Variants in RIMS2 observed in about 807,000 individuals in gnomAD.
RIMS2 encodes the protein regulating synaptic membrane exocytosis protein 2.
Under a neutral mutation model 174.4 loss-of-function variants are expected in RIMS2, and 59 were observed. The ratio of observed to expected loss-of-function variants is 0.34; its 90% confidence interval spans 0.27 to 0.42. The LOEUF (loss-of-function observed/expected upper bound fraction) is 0.42. RIMS2 is among the 10% of genes least tolerant of loss of function. RIMS2 has a pLI of 1.00. For synonymous variants in RIMS2, 606 were observed against 572.5 expected (o/e 1.06, Z -0.84); for missense variants, 1,620 against 1,666.3 (o/e 0.97, Z 0.48).
At chr8:103,663,125 C>T (rs2096624247) in intron 1 of RIMS2, among the ~76,000 whole-genome samples, 1 of 151,596 alleles carries the variant, frequency 6.6e-6, no homozygotes, top group South Asian at 2.1e-4. Context: ...GCTGAGATTA[C>T]ACCACTGCAC....
intron 3 of RIMS2, among the ~76,000 whole-genome samples, chr8:103,788,851 C>G (rs959487467): frequency 5.3e-5 from 8 of 152,186 alleles, no homozygotes; most frequent in South Asian, 4.1e-4. Context: ...TGGGCAATGG[C>G]GGGCGCCCCT....
rs374794052 is a variant in RIMS2, at chr8:103,886,091, C to A, written c.1492C>A (p.Pro498Thr). Residue 498 changes from proline to threonine, a missense_variant, in exon 4 of 24, where the codon CCT becomes ACT. Pro to Thr is a conservative substitution (Grantham distance 38). Around this residue, in one of 2 missense-constraint regions of RIMS2, gnomAD observed 1,395 missense variants for 1,360.1 expected, o/e 1.03. Coordinates refer to ENST00000504942, the Ensembl canonical transcript of RIMS2. ...GTCAGTGAGACCTCCACCACCAAAGCCTCATAAATCAAAGAAAGGCGGTAA... is the reference window on the plus strand; with the variant it reads ...GTCAGTGAGACCTCCACCACCAAAGACTCATAAATCAAAGAAAGGCGGTAA... The A allele has an allele frequency of 8.6e-5, 138 of 1,612,858 alleles. No homozygotes were observed. Among genetic ancestry groups the A allele is most frequent in the Non-Finnish European group, 1.1e-4 (131 of 1,179,428 alleles).
intron 3 of RIMS2, among the ~76,000 whole-genome samples, chr8:103,770,562 G>A (rs1246618675): frequency 6.6e-6 from 1 of 152,040 alleles, no homozygotes; most frequent in African/African-American, 2.4e-5. Context: ...GGCAACAAGA[G>A]CGAAACTCTG....
chr8:103,799,976 T>G (rs138934506), intron 3 of RIMS2, among the ~76,000 whole-genome samples: 2 of 152,194 alleles, frequency 1.3e-5, no homozygotes, highest in African/African-American at 2.4e-5. Context: ...TTTACCTTTC[T>G]CATGTATATT....
Position 103,529,150 on chromosome 8 carries a change from G to A in RIMS2, c.176+28088G>A, listed in dbSNP as rs570728954. ...TCCTAGGTATTTTATTCTCTTTGAAGCAGTTGTGAATGGGAGTGCACTCAT... is the reference window on the plus strand; with the variant it reads ...TCCTAGGTATTTTATTCTCTTTGAAACAGTTGTGAATGGGAGTGCACTCAT... On this transcript the variant is annotated intron_variant, in intron 1 of 23. Transcript: ENST00000504942. Among the ~76,000 whole-genome samples, 5 of 152,328 alleles carry A rather than the reference G, an allele frequency of 3.3e-5. No homozygotes were observed. The East Asian group carries it at 7.7e-4, about 24-fold the overall frequency.
At chr8:104,208,623 C>T (rs995867529) in intron 19 of RIMS2, among the ~76,000 whole-genome samples, 10 of 151,760 alleles carry the variant, frequency 6.6e-5, no homozygotes, top group African/African-American at 2.4e-4. Context: ...ATCAGTATGA[C>T]ATAACAAGAG....
At chr8:104,223,469 C>T in intron 19 of RIMS2, 1 of 1,375,888 alleles carries the variant, frequency 7.3e-7, no homozygotes, top group Admixed American at 3.4e-5. Context: ...TTGGAGGTCC[C>T]GGCGGCCAGG....
intron 1 of RIMS2, among the ~76,000 whole-genome samples, chr8:103,638,525 G>A (rs575967646): frequency 2.0e-5 from 3 of 151,912 alleles, no homozygotes; most frequent in Non-Finnish European, 4.4e-5. Flanking sequence ...TCTTGAGGGA[G>A]CATTATAATC....
chr8:103,599,517 C>G (rs1485186690), intron 1 of RIMS2, among the ~76,000 whole-genome samples: 1 of 151,422 alleles, frequency 6.6e-6, no homozygotes. Flanking sequence ...CTGCTCAATG[C>G]AACCCTCACC....
intron 1 of RIMS2, among the ~76,000 whole-genome samples, chr8:103,682,095 T>A (rs1423315270): frequency 6.6e-6 from 1 of 151,994 alleles, no homozygotes; most frequent in Non-Finnish European, 1.5e-5. Flanking sequence ...GGGAATCTGG[T>A]TTGCGTAGGA....
At chr8:104,200,589 T>C (rs1390664528) in intron 19 of RIMS2, among the ~76,000 whole-genome samples, 5 of 152,106 alleles carry the variant, frequency 3.3e-5, no homozygotes, top group Admixed American at 2.0e-4. Flanking sequence ...GGTGCCAGGG[T>C]CAACAGTCAT....
chr8:103,918,478 C>T, exon 9 of RIMS2: 1 of 1,604,626 alleles, frequency 6.2e-7, no homozygotes, highest in Non-Finnish European at 8.5e-7. Flanking sequence ...ACATGCACAA[C>T]TGGAGTCCAG....
In RIMS2 at chr8:104,181,055, A is replaced by G. The variant is rs79411127; in HGVS notation, c.3335-63861A>G. On this transcript the variant is annotated intron_variant, in intron 19 of 23. Transcript: ENST00000504942. ...CAGAAAAATAAGGCTTCATAGTCAA[A>G]TAAGTATAGAAGAAAATGTGAGTTA... 8.4e-3 allele frequency among the ~76,000 whole-genome samples: 1,272 copies of G among 151,824 alleles called. 15 individuals carry two copies. Among genetic ancestry groups the G allele is most frequent in the African/African-American group, 0.03 (1,230 of 41,508 alleles).
chr8:103,600,233 G>A (rs2094664485), intron 1 of RIMS2, among the ~76,000 whole-genome samples: 1 of 151,044 alleles, frequency 6.6e-6, no homozygotes, highest in African/African-American at 2.5e-5. Flanking sequence ...TGGCTGAGTA[G>A]TACTCCATTG....
rs199924154 is a variant in RIMS2, at chr8:104,250,983, A to G, written c.3692-41A>G. ...ACCGTGCGTCGGCCATTTCATGTCC[A>G]TAGTTTATTGCTCATTCTCCTCTGT... On this transcript the variant is annotated intron_variant, in intron 22 of 23. Coordinates refer to ENST00000504942, the Ensembl canonical transcript of RIMS2. 9.0e-5 allele frequency: 142 copies of G among 1,581,674 alleles called. 2 individuals carry two copies. In the African/African-American group the frequency reaches 1.6e-3, roughly 18 times the overall value.
At chr8:103,690,649 T>C (rs1249642405) in intron 1 of RIMS2, among the ~76,000 whole-genome samples, 3 of 152,244 alleles carry the variant, frequency 2.0e-5, no homozygotes, top group Non-Finnish European at 4.4e-5. Context: ...TATATCTTAC[T>C]GTAGTGTCTA....
rs191627041 is a variant in RIMS2 at position 103,512,152 on chromosome 8, G to C, written c.176+11090G>C. ...TAACACTGGGTGTCTATAAGCTACT[G>C]GCAACCATGCACTGTAGCAAGAACA... On this transcript the variant is annotated intron_variant, in intron 1 of 23. Coordinates refer to ENST00000504942, the Ensembl canonical transcript of RIMS2. 1.7e-3 allele frequency among the ~76,000 whole-genome samples: 266 copies of C among 152,202 alleles called. 1 individual carries two copies. Among genetic ancestry groups the C allele is most frequent in the African/African-American group, 5.2e-3 (214 of 41,532 alleles).
chr8:104,150,987 G>C (rs1026717405), intron 19 of RIMS2, among the ~76,000 whole-genome samples: 1 of 152,172 alleles, frequency 6.6e-6, no homozygotes, highest in African/African-American at 2.4e-5. Context: ...CTACAATAAA[G>C]AGGTAAACTT....
chr8:103,601,334 G>T (rs1257878983), intron 1 of RIMS2, among the ~76,000 whole-genome samples: 2 of 152,158 alleles, frequency 1.3e-5, no homozygotes, highest in Non-Finnish European at 2.9e-5. Context: ...TGTTACCTTT[G>T]TATATCTGGG....
Sources: allele counts gnomAD v4.1 joint callset (sites outside exome capture counted in the v4.1 genomes callset), GRCh38; gene constraint gnomAD v4.1.1; regional missense constraint gnomAD v4.1.1; transcripts MANE v1.5; gene names NCBI Gene and HGNC (gene_info 2026-07-23, HGNC 2026-07-21).